Variants in RGS3 observed in about 807,000 individuals in gnomAD.
RGS3 encodes the protein regulator of G-protein signalling 3.
Under a neutral mutation model 132.6 loss-of-function variants are expected in RGS3, and 80 were observed. The ratio of observed to expected loss-of-function variants is 0.60; its 90% CI spans 0.50 to 0.73. The LOEUF (loss-of-function observed/expected upper bound fraction) is 0.73. Ranked by LOEUF, RGS3 falls within the 30% of genes least tolerant of loss-of-function variation. The probability of loss-of-function intolerance (pLI) is 0.00; values close to 1 mark genes in which losing one functional copy is unlikely to be tolerated. For missense variants in RGS3, 1,382 were observed against 1,530.8 expected, an observed-to-expected ratio of 0.90 and a Z score of 1.62; for synonymous variants, 598 against 620.6, an observed-to-expected ratio of 0.96 and a Z score of 0.54.
At chr9:113,583,943 G>C (rs763431243) in exon 20 of RGS3, 5 of 1,614,078 alleles carry the variant, frequency 3.1e-6, no homozygotes, top group Non-Finnish European at 3.4e-6. Context: ...GCAGCTACTG[G>C]GGACCCACCT....
At chr9:113,574,124 A>C (rs1001472589) in intron 19 of RGS3, among the ~76,000 whole-genome samples, 16 of 151,700 alleles carry the variant, frequency 1.1e-4, no homozygotes, top group African/African-American at 3.9e-4. Flanking sequence ...TCAGTTAATG[A>C]TCTCTCTCTC....
rs866871703 is a variant in RGS3 at position 113,482,803 on chromosome 9, A to G, written c.467-256A>G. 19 of 642,812 alleles carry G rather than the reference A, an allele frequency of 3.0e-5. No individual in the cohort carries two copies. The Middle Eastern group carries it at 8.7e-4, about 29-fold the overall frequency. 39.8% of individuals were successfully genotyped at this position (642,812 alleles called of 1,614,324 possible). A position where few individuals can be genotyped will look rare whatever the true frequency, so the allele number is the denominator to read the frequency against. ...ATTCAGGGAATTGAATGTACCTCGTAATGCATTGGTGAGGGTGCTGCCAGA... is the reference window on the plus strand; with the variant it reads ...ATTCAGGGAATTGAATGTACCTCGTGATGCATTGGTGAGGGTGCTGCCAGA... On this transcript the variant is annotated intron_variant, in intron 4 of 24. Transcript: ENST00000350696.
At chr9:113,521,854 C>T (rs913101721) in intron 16 of RGS3, among the ~76,000 whole-genome samples, 8 of 152,188 alleles carry the variant, frequency 5.3e-5, no homozygotes, top group Non-Finnish European at 7.4e-5. Context: ...CACACACTCA[C>T]GGTACCCTTC....
At position 113,566,080 on chromosome 9, in the gene RGS3, C is replaced by T. The variant is rs142882020; in HGVS notation, c.2038-17370C>T. Among the ~76,000 whole-genome samples, 115 of 152,226 alleles carry T rather than the reference C, an allele frequency of 7.6e-4. 1 individual carries two copies. Among genetic ancestry groups the T allele is most frequent in the African/African-American group, 2.4e-3 (100 of 41,538 alleles). On this transcript the variant is annotated intron_variant, in intron 19 of 24. Transcript: ENST00000350696. Reference sequence around the variant, plus strand: ...GTCGGGACACTGCATGGGAGGGGAGCGCTCAGCCAGCAGGGTTGGCTATTG... The same window carrying T: ...GTCGGGACACTGCATGGGAGGGGAGTGCTCAGCCAGCAGGGTTGGCTATTG...
At chr9:113,539,326 C>T (rs1832807626) in intron 19 of RGS3, among the ~76,000 whole-genome samples, 1 of 152,180 alleles carries the variant, frequency 6.6e-6, no homozygotes, top group Non-Finnish European at 1.5e-5. Context: ...CCGATTTGCT[C>T]TGAGATGGAG....
intron 19 of RGS3, among the ~76,000 whole-genome samples, chr9:113,551,192 A>T (rs1833323725): frequency 6.6e-6 from 1 of 152,166 alleles, no homozygotes; most frequent in Admixed American, 6.5e-5. Context: ...ATTTGCCTAT[A>T]TTGGACATTT....
intron 19 of RGS3, 170 bp from the exon 18 acceptor site, chr9:113,583,280 G>C (rs1478599495): frequency 1.6e-6 from 2 of 1,217,440 alleles, no homozygotes; most frequent in African/African-American, 1.5e-5. Flanking sequence ...GGTGAGAATT[G>C]TTACCCAGCT....
exon 18 of RGS3, chr9:113,529,231 A>C (rs201564961): frequency 1.9e-4 from 302 of 1,613,418 alleles, no homozygotes; most frequent in Non-Finnish European, 2.4e-4. Context: ...GTTCTTCAGA[A>C]GACCTGAAAT....
chr9:113,520,288 A>G (rs1461743634), intron 16 of RGS3, among the ~76,000 whole-genome samples: 1 of 152,234 alleles, frequency 6.6e-6, no homozygotes, highest in Admixed American at 6.5e-5. Flanking sequence ...GGGGGAGTCC[A>G]CATGCCCTCC....
intron 7 of RGS3, among the ~76,000 whole-genome samples, chr9:113,487,816 C>T (rs970824548): frequency 2.0e-5 from 3 of 152,106 alleles, no homozygotes; most frequent in East Asian, 3.8e-4. Flanking sequence ...TCCTAAGGGC[C>T]GGTGGTTCTC....
chr9:113,501,163 G>C (rs1375965909), intron 10 of RGS3, among the ~76,000 whole-genome samples: 1 of 152,166 alleles, frequency 6.6e-6, no homozygotes, highest in Non-Finnish European at 1.5e-5. Context: ...GGGACTTGCA[G>C]GGGGAGGAGG....
chr9:113,555,674 T>G (rs1226783304), intron 19 of RGS3, among the ~76,000 whole-genome samples: 1 of 152,066 alleles, frequency 6.6e-6, no homozygotes, highest in Admixed American at 6.6e-5. Context: ...ACCCTGTTGG[T>G]CAGGGTGGTC....
At position 113,463,748 on chromosome 9, in the gene RGS3, G is replaced by A. The variant is rs1829534075; in HGVS notation, c.415+1547G>A. ...CCCTGGAGACTCCGGTTACTGGGGA[G>A]CAACACAGCCGCCTCGGGTTGCAGA... On this transcript the variant is annotated intron_variant, in intron 3 of 24. Coordinates refer to ENST00000350696, the Ensembl canonical transcript of RGS3. The surrounding 1 kb of genome is among the most constrained non-coding windows in gnomAD (Gnocchi z 4.6). 4 of 1,550,098 alleles carry A rather than the reference G, an allele frequency of 2.6e-6. No individual in the cohort carries two copies. Among genetic ancestry groups the A allele is most frequent in the Admixed American group, 4.0e-5 (2 of 50,528 alleles).
intron 8 of RGS3, 95 bp downstream of exon 6, chr9:113,495,941 T>C: frequency 4.5e-6 from 5 of 1,102,432 alleles, no homozygotes; most frequent in Non-Finnish European, 7.0e-6. Context: ...AGGGCTTCTC[T>C]CTGTGAGATG....
chr9:113,488,701 A>G (rs1002140823), intron 7 of RGS3, among the ~76,000 whole-genome samples: 3 of 152,230 alleles, frequency 2.0e-5, no homozygotes, highest in East Asian at 3.9e-4. Context: ...GAGATGCCTT[A>G]TTAAACAAAC....
intron 10 of RGS3, among the ~76,000 whole-genome samples, chr9:113,503,885 G>T (rs7033679): frequency 2.0e-5 from 3 of 152,052 alleles, no homozygotes; most frequent in Non-Finnish European, 4.4e-5. Context: ...TTCCACACTC[G>T]TACCCGCGTT....
chr9:113,514,000 C>T (rs754657919), intron 14 of RGS3, among the ~76,000 whole-genome samples: 13 of 152,280 alleles, frequency 8.5e-5, no homozygotes, highest in South Asian at 6.2e-4. Context: ...TTAAGGAGAG[C>T]GCGTACCCTG....
chr9:113,592,986 A>T (rs1028834126), intron 21 of RGS3: 4 of 152,238 alleles, frequency 2.6e-5, no homozygotes, highest in Non-Finnish European at 5.9e-5. Flanking sequence ...ACACGTGAAT[A>T]AACTACTGTG....
chr9:113,574,511 C>G (rs932996365), intron 19 of RGS3, among the ~76,000 whole-genome samples: 5 of 152,226 alleles, frequency 3.3e-5, no homozygotes, highest in African/African-American at 1.2e-4. Flanking sequence ...CGCATGGCTG[C>G]AGCTCTGTAG....
Sources: gnomAD v4.1 joint callset for allele counts (sites outside exome capture counted in the v4.1 genomes callset) on GRCh38, gnomAD v4.1.1 for gene constraint, Gnocchi (gnomAD v3.1) non-coding constraint, MANE v1.5 for transcripts, NCBI Gene and HGNC (gene_info 2026-07-23, HGNC 2026-07-21) for gene names.